Variants in NXPE2 observed in about 807,000 individuals in gnomAD.
NXPE2 encodes the protein neurexophilin and PC-esterase domain family member 2.
A neutral mutation model predicts 34.4 loss-of-function variants in NXPE2; 34 were observed. The ratio of observed to expected loss-of-function variants is 0.99; its 90% CI spans 0.75 to 1.31. The LOEUF is 1.31. Ranked by LOEUF, NXPE2 falls within the 40% of genes most tolerant of loss-of-function variation. The pLI is 0.00. For missense variants in NXPE2, 649 were observed against 672.5 expected (o/e 0.97, Z 0.39); for synonymous variants, 235 against 231.3 (o/e 1.02, Z -0.15).
chr11:114,671,937 G>A, the NXPE2 span, among the ~76,000 whole-genome samples: 6 of 151,952 alleles, frequency 3.9e-5, no homozygotes, highest in Admixed American at 6.6e-5. Flanking sequence ...AGGTTTAATC[G>A]GCTTATGTTT....
chr11:114,521,927 G>A, the NXPE2 span: 1 of 1,387,694 alleles, frequency 7.2e-7, no homozygotes, highest in Non-Finnish European at 1.0e-6. Context: ...GGGATTATGT[G>A]CAGAGATTGG....
At chr11:114,726,504 A>G in the NXPE2 span, among the ~76,000 whole-genome samples, 5 of 151,988 alleles carry the variant, frequency 3.3e-5, no homozygotes, top group African/African-American at 1.2e-4. Flanking sequence ...GAGCCACTGC[A>G]CCCAGCCTAA....
the NXPE2 span, among the ~76,000 whole-genome samples, chr11:114,637,646 T>C: frequency 6.6e-6 from 1 of 150,774 alleles, no homozygotes; most frequent in Non-Finnish European, 1.5e-5. Context: ...GGAGCTCTTT[T>C]AGGGCAGACC....
chr11:114,479,953 G>A, the NXPE2 span, among the ~76,000 whole-genome samples: 375 of 152,264 alleles, frequency 2.5e-3, 1 homozygote, highest in African/African-American at 8.5e-3. Flanking sequence ...GTGTCACATG[G>A]AGAGAGAAGG....
At chr11:114,662,021 C>T in the NXPE2 span, among the ~76,000 whole-genome samples, 1 of 152,132 alleles carries the variant, frequency 6.6e-6, no homozygotes, top group East Asian at 1.9e-4. Flanking sequence ...ACCCTCTCCA[C>T]CTACCCCCCG....
the NXPE2 span, among the ~76,000 whole-genome samples, chr11:114,592,651 A>T: frequency 6.6e-6 from 1 of 152,134 alleles, no homozygotes; most frequent in Non-Finnish European, 1.5e-5. Context: ...AAATACCAAT[A>T]ATATTCTTCA....
the NXPE2 span, among the ~76,000 whole-genome samples, chr11:114,766,493 C>CT: frequency 1.3e-5 from 2 of 152,110 alleles, no homozygotes; most frequent in Non-Finnish European, 2.9e-5. Context: ...TCTATTCTGG[C>CT]TTTTTTCTTC....
intron 2 of NXPE2, among the ~76,000 whole-genome samples, chr11:114,695,830 A>AACACACACACACACACAC (rs67132329): frequency 0.027 from 3,528 of 132,516 alleles, 87 homozygotes; most frequent in African/African-American, 0.035. Flanking sequence ...GTCTCTACTA[A>AACACACACACACACACAC]ACACACACAC....
the NXPE2 span, among the ~76,000 whole-genome samples, chr11:114,769,201 GA>G: frequency 1.9e-4 from 28 of 147,586 alleles, no homozygotes; most frequent in African/African-American, 5.2e-4. Flanking sequence ...ACAAACATAT[GA>G]AAAAAAAAAG....
rs776356667 is a variant in NXPE2 at position 114,698,666 on chromosome 11, G to A, written c.754G>A (p.Ala252Thr). The A allele has an allele frequency of 6.2e-7, 1 of 1,614,192 alleles. No homozygotes were observed. The highest frequency in any genetic ancestry group is 1.1e-5 in the South Asian group (1 of 91,084). Residue 252 changes from alanine (A) to threonine (T), a missense_variant, in exon 3 of 6, where the codon GCC becomes ACC. Physicochemically the swap from Ala to Thr is moderately conservative, Grantham distance 58 (BLOSUM62 0). Coordinates refer to ENST00000389586, the MANE Select transcript of NXPE2 (RefSeq NM_182495.6). ...CQYMDDRDQE[A>T]FYCVRPQHMP... The stretch of plus-strand genomic sequence containing the variant: ...GTACATGGATGACAGAGACCAAGAA[G>A]CCTTCTACTGTGTGAGGCCTCAACA...
the NXPE2 span, among the ~76,000 whole-genome samples, chr11:114,513,833 A>G: frequency 2.0e-5 from 3 of 151,996 alleles, no homozygotes; most frequent in Non-Finnish European, 4.4e-5. Flanking sequence ...AATCATAATG[A>G]AAAAATTAAC....
chr11:114,497,959 G>A, the NXPE2 span, among the ~76,000 whole-genome samples: 1 of 151,866 alleles, frequency 6.6e-6, no homozygotes, highest in South Asian at 2.1e-4. Context: ...GTGAAGTTTG[G>A]TAGTTTTCAT....
the NXPE2 span, among the ~76,000 whole-genome samples, chr11:114,539,037 A>G: frequency 6.6e-6 from 1 of 152,232 alleles, no homozygotes; most frequent in East Asian, 1.9e-4. Flanking sequence ...ACCAACCCAA[A>G]TGTCCAACAA....
At chr11:114,753,182 A>G in the NXPE2 span, among the ~76,000 whole-genome samples, 1 of 152,134 alleles carries the variant, frequency 6.6e-6, no homozygotes, top group African/African-American at 2.4e-5. Context: ...CCTTGGGTCT[A>G]TGAGTTTGAG....
the NXPE2 span, among the ~76,000 whole-genome samples, chr11:114,792,574 C>T: frequency 9.9e-5 from 15 of 152,264 alleles, no homozygotes; most frequent in East Asian, 2.9e-3. Context: ...CTGTAATCCT[C>T]AAGGGAAGTA....
chr11:114,533,134 G>A, the NXPE2 span, among the ~76,000 whole-genome samples: 3 of 152,048 alleles, frequency 2.0e-5, no homozygotes, highest in South Asian at 2.1e-4. Context: ...AATGATGGGG[G>A]GAGAAACAGA....
chr11:114,560,474 C>T, the NXPE2 span, among the ~76,000 whole-genome samples: 1 of 151,820 alleles, frequency 6.6e-6, no homozygotes, highest in East Asian at 1.9e-4. Flanking sequence ...ACCATGTTGC[C>T]CAGGCTGGTC....
At chr11:114,475,226 G>GTTTTTTTTTTTT in the NXPE2 span, among the ~76,000 whole-genome samples, 50 of 88,052 alleles carry the variant, frequency 5.7e-4, 7 homozygotes, top group African/African-American at 7.8e-4. Flanking sequence ...AATGTGAACT[G>GTTTTTTTTTTTT]TTTTTTTTTT....
At chr11:114,778,475 A>G in the NXPE2 span, among the ~76,000 whole-genome samples, 4 of 152,352 alleles carry the variant, frequency 2.6e-5, no homozygotes, top group African/African-American at 9.6e-5. Context: ...AGTGGGCAAG[A>G]AGGAAAATGA....
Sources: allele counts gnomAD v4.1 joint callset (sites outside exome capture counted in the v4.1 genomes callset), GRCh38; gene constraint gnomAD v4.1.1; transcripts MANE v1.5; gene names NCBI Gene and HGNC (gene_info 2026-07-23, HGNC 2026-07-21).